TMEM266: variants seen among roughly 807,000 people sequenced by gnomAD.
The protein encoded by TMEM266 is Hv1 related protein 1.
Under a neutral mutation model 50.5 loss-of-function variants are expected in TMEM266, and 33 were observed. The observed-to-expected ratio is 0.65, with a 90% CI of 0.50 to 0.87. TMEM266 has a LOEUF of 0.87. TMEM266 is among the 40% of genes least tolerant of loss of function. The pLI is 0.00. For missense variants in TMEM266, 655 were observed against 695.1 expected, an observed-to-expected ratio of 0.94 and a Z score of 0.65; for synonymous variants, 310 against 292.3, an observed-to-expected ratio of 1.06 and a Z score of -0.62.
At chr15:76,090,269 A>T (rs2036830741) in intron 1 of TMEM266, among the ~76,000 whole-genome samples, 1 of 152,026 alleles carries the variant, frequency 6.6e-6, no homozygotes, top group South Asian at 2.1e-4. Flanking sequence ...AGGTGGGTGG[A>T]TTGCTTGAGG....
chr15:76,137,163 C>T (rs2037602946), intron 2 of TMEM266, among the ~76,000 whole-genome samples: 1 of 152,152 alleles, frequency 6.6e-6, no homozygotes, highest in Admixed American at 6.5e-5. Flanking sequence ...GCCTCCTGTC[C>T]TCACCACCCC....
chr15:76,201,469 G>C (rs950524856), intron 9 of TMEM266, among the ~76,000 whole-genome samples: 5 of 152,132 alleles, frequency 3.3e-5, no homozygotes, highest in African/African-American at 1.2e-4. Context: ...ACAGCTCACG[G>C]CAGCCTCAAC....
At chr15:76,132,702 T>A (rs982122500) in intron 1 of TMEM266, among the ~76,000 whole-genome samples, 1 of 151,426 alleles carries the variant, frequency 6.6e-6, no homozygotes, top group African/African-American at 2.4e-5. Context: ...GACTGAGGCA[T>A]GAGAATCACT....
chr15:76,129,915 G>T (rs1346476990), intron 1 of TMEM266, among the ~76,000 whole-genome samples: 3 of 151,930 alleles, frequency 2.0e-5, no homozygotes, highest in African/African-American at 7.3e-5. Flanking sequence ...ACAATGCCTG[G>T]ATATTTAATG....
At chr15:76,072,781 G>A (rs1408098113) in intron 1 of TMEM266, among the ~76,000 whole-genome samples, 4 of 151,644 alleles carry the variant, frequency 2.6e-5, no homozygotes, top group Admixed American at 6.6e-5. Flanking sequence ...GGGATTACAT[G>A]TGCACACCAC....
intron 1 of TMEM266, among the ~76,000 whole-genome samples, chr15:76,060,595 G>C (rs1160581269): frequency 6.6e-6 from 1 of 152,168 alleles, no homozygotes; most frequent in African/African-American, 2.4e-5. Context: ...CCCCTTCAGG[G>C]GACAGGTGCA....
chr15:76,105,245 CAAAAA>C (rs1202933801), intron 1 of TMEM266, among the ~76,000 whole-genome samples: 3 of 150,320 alleles, frequency 2.0e-5, no homozygotes, highest in Non-Finnish European at 4.4e-5. Flanking sequence ...GACTCCATCT[CAAAAA>C]AAAAGTAAAG....
chr15:76,123,104 C>T (rs1471908754), intron 1 of TMEM266, among the ~76,000 whole-genome samples: 1 of 152,178 alleles, frequency 6.6e-6, no homozygotes, highest in African/African-American at 2.4e-5. Flanking sequence ...CCTTGGCTCA[C>T]CTAGAGATGA....
intron 1 of TMEM266, among the ~76,000 whole-genome samples, chr15:76,077,458 T>G (rs1465968740): frequency 1.3e-5 from 2 of 152,104 alleles, no homozygotes; most frequent in Non-Finnish European, 2.9e-5. Flanking sequence ...GCTGGTCCTG[T>G]ACAAGATATC....
intron 1 of TMEM266, among the ~76,000 whole-genome samples, chr15:76,096,265 C>G (rs950402187): frequency 6.6e-6 from 1 of 152,068 alleles, no homozygotes; most frequent in African/African-American, 2.4e-5. Context: ...AAATCTCCCT[C>G]TGCACAGTGC....
chr15:76,177,458 A>T (rs192408523), intron 8 of TMEM266, among the ~76,000 whole-genome samples: 24 of 152,356 alleles, frequency 1.6e-4, no homozygotes, highest in Admixed American at 2.0e-4. Flanking sequence ...GATCCTGGGA[A>T]ATGTCCCCAC....
intron 1 of TMEM266, among the ~76,000 whole-genome samples, chr15:76,066,578 C>T (rs1205128692): frequency 6.6e-6 from 1 of 151,892 alleles, no homozygotes; most frequent in Non-Finnish European, 1.5e-5. Flanking sequence ...TTGCTTTCTC[C>T]TTCCTGCCCT....
At chr15:76,194,491 G>A (rs1350808015) in intron 9 of TMEM266, among the ~76,000 whole-genome samples, 1 of 152,126 alleles carries the variant, frequency 6.6e-6, no homozygotes, top group Non-Finnish European at 1.5e-5. Context: ...CGCCCCTTAG[G>A]CTGGTGGATT....
chr15:76,069,582 G>A (rs770794023), intron 1 of TMEM266, among the ~76,000 whole-genome samples: 17 of 152,260 alleles, frequency 1.1e-4, no homozygotes, highest in Middle Eastern at 3.4e-3. Context: ...ATTTTGGGAG[G>A]CCAAGGCAGG....
intron 1 of TMEM266, among the ~76,000 whole-genome samples, chr15:76,093,301 C>G (rs1036865823): frequency 6.6e-6 from 1 of 151,562 alleles, no homozygotes; most frequent in African/African-American, 2.4e-5. Flanking sequence ...CCCCCACCCC[C>G]CAACAGGCCC....
At position 76,161,118 on chromosome 15, in the gene TMEM266, G is replaced by C. The variant is rs1025374552; in HGVS notation, c.456+950G>C. Among the ~76,000 whole-genome samples the C allele has an allele frequency of 1.3e-5, 2 of 152,124 alleles. No homozygotes were observed. The highest frequency in any genetic ancestry group is 2.4e-5 in the African/African-American group (1 of 41,420). On this transcript the variant is annotated intron_variant, in intron 5 of 10. Coordinates refer to ENST00000388942, the MANE Select transcript of TMEM266 (RefSeq NM_152335.3). The surrounding 1 kb of genome is among the most constrained non-coding windows in gnomAD (Gnocchi z 4.1). ...GAGCCTAGGACTGGCCCAAGTCAGC[G>C]GGCCACTGTGTCACTCTACCCTTGA...
At chr15:76,193,689 C>G (rs1030973578) in intron 9 of TMEM266, among the ~76,000 whole-genome samples, 10 of 152,228 alleles carry the variant, frequency 6.6e-5, no homozygotes, top group Non-Finnish European at 1.5e-4. Context: ...CCTGGGGAAC[C>G]CACCCCACCT....
chr15:76,082,241 T>G (rs1485559593), intron 1 of TMEM266, among the ~76,000 whole-genome samples: 1 of 152,224 alleles, frequency 6.6e-6, no homozygotes, highest in East Asian at 1.9e-4. Flanking sequence ...CATGACTGTT[T>G]TAGTCCATTT....
At chr15:76,203,690 C>G (rs374936909) in intron 10 of TMEM266, 51 bp from the exon 11 acceptor site, 514 of 1,551,978 alleles carry the variant, frequency 3.3e-4, no homozygotes, top group Non-Finnish European at 4.3e-4. Flanking sequence ...TTCAGGGCCC[C>G]CAGGTGTGGC....
Sources: allele counts gnomAD v4.1 joint callset (sites outside exome capture counted in the v4.1 genomes callset), GRCh38; gene constraint gnomAD v4.1.1; non-coding constraint Gnocchi (gnomAD v3.1); transcripts MANE v1.5; gene names NCBI Gene and HGNC (gene_info 2026-07-23, HGNC 2026-07-21).